EIF3E: variants seen among roughly 807,000 people sequenced by gnomAD.
EIF3E encodes eukaryotic translation initiation factor 3 subunit E.
In EIF3E, 25 loss-of-function variants were observed where a neutral mutation model predicts 59.3. The ratio of observed to expected loss-of-function variants is 0.42; its 90% confidence interval spans 0.31 to 0.59. The LOEUF is 0.59. Among genes scored for constraint, EIF3E ranks in the 20% least tolerant of loss-of-function variants. EIF3E has a pLI of 0.15. For missense variants in EIF3E, 317 were observed against 534.3 expected (o/e 0.59, Z 4.01); for synonymous variants, 176 against 170.2 (o/e 1.03, Z -0.26).
Position 108,203,139 on chromosome 8 carries a change from T to G in EIF3E, c.1165-22A>C, listed in dbSNP as rs630492. 3.3e-3 allele frequency: 5,247 copies of G among 1,605,628 alleles called. 172 individuals are homozygous for G. In the African/African-American group the frequency reaches 0.063, roughly 19 times the overall value. ...GACCCTAAAAGGAAACACAGGGAAATTGATCCTATAATGTTAATGACTGAG... is the reference window on the plus strand; with the variant it reads ...GACCCTAAAAGGAAACACAGGGAAAGTGATCCTATAATGTTAATGACTGAG... On this transcript the variant is annotated intron_variant, in intron 11 of 12. Coordinates refer to ENST00000220849, the MANE Select transcript of EIF3E (RefSeq NM_001568.3).
At chr8:108,241,983 A>C (rs2129925532) in intron 1 of EIF3E, 70 bp from the exon 2 acceptor site, 4 of 1,227,764 alleles carry the variant, frequency 3.3e-6, no homozygotes, top group East Asian at 2.5e-5. Flanking sequence ...TACTAAAACT[A>C]ATTTACCTGG....
intron 10 of EIF3E, among the ~76,000 whole-genome samples, chr8:108,212,151 G>C (rs1815221755): frequency 6.6e-6 from 1 of 152,202 alleles, no homozygotes; most frequent in South Asian, 2.1e-4. Context: ...GTGTTCCAAA[G>C]AGGTGTCTTA....
intron 10 of EIF3E, among the ~76,000 whole-genome samples, chr8:108,211,031 A>G (rs1815199752): frequency 6.6e-6 from 1 of 152,150 alleles, no homozygotes; most frequent in Non-Finnish European, 1.5e-5. Context: ...AGTCTTTGCT[A>G]TTGTGAATAG....
At chr8:108,242,434 G>C in intron 1 of EIF3E, 11 of 1,288,934 alleles carry the variant, frequency 8.5e-6, no homozygotes, top group Non-Finnish European at 1.1e-5. Flanking sequence ...TATAGTACAG[G>C]GAGCAAATAG....
Position 108,242,392 on chromosome 8 carries a change from T to C in EIF3E, c.91-479A>G, listed in dbSNP as rs1412068472. The C allele has an allele frequency of 7.8e-6, 10 of 1,289,352 alleles. No homozygotes were observed. In the South Asian group the frequency reaches 1.1e-4, roughly 14 times the overall value. 79.9% of individuals were successfully genotyped at this position (1,289,352 alleles called of 1,614,324 possible). A position where few individuals can be genotyped will look rare whatever the true frequency, so the allele number is the denominator to read the frequency against. On this transcript the variant is annotated intron_variant, in intron 1 of 12. Coordinates refer to ENST00000220849, the MANE Select transcript of EIF3E (RefSeq NM_001568.3). ...AACCATGTCAGATCAGGCTTTTGCT[T>C]TGCAAAGGATCCAAAAAAGCATAAT...
At chr8:108,242,800 C>A in intron 1 of EIF3E, 1 of 405,818 alleles carries the variant, frequency 2.5e-6, no homozygotes. Context: ...AAAAGGTTCT[C>A]AACGTCATTA....
At chr8:108,228,054 A>C in intron 7 of EIF3E, 1 of 393,174 alleles carries the variant, frequency 2.5e-6, no homozygotes, top group Non-Finnish European at 4.4e-6. Flanking sequence ...CACACTTTAA[A>C]TAGCACTTTA....
At position 108,240,359 on chromosome 8, in the gene EIF3E, A is replaced by G. The variant is rs370789594; in HGVS notation, c.206-284T>C. Among the ~76,000 whole-genome samples, 21 of 152,334 alleles carry G rather than the reference A, an allele frequency of 1.4e-4. 1 individual carries two copies. The highest frequency in any genetic ancestry group is 4.3e-4 in the African/African-American group (18 of 41,568). Reference sequence around the variant, plus strand: ...GGGGTGACAGAGGGATGTGAAAGAAAAAAAGGGTAGGACCCAATTATCTAT... The same window carrying G: ...GGGGTGACAGAGGGATGTGAAAGAAGAAAAGGGTAGGACCCAATTATCTAT... On this transcript the variant is annotated intron_variant, in intron 2 of 12. Transcript: ENST00000220849.
At chr8:108,242,548 C>A in intron 1 of EIF3E, 1 of 1,160,404 alleles carries the variant, frequency 8.6e-7, no homozygotes, top group Non-Finnish European at 1.1e-6. Context: ...GAAAAGATTT[C>A]TGTACTGAAC....
chr8:108,217,534 G>A (rs1815327205), intron 7 of EIF3E, 74 bp from the exon 8 acceptor site: 1 of 1,276,158 alleles, frequency 7.8e-7, no homozygotes, highest in Admixed American at 2.4e-5. Context: ...CAGGTCATTA[G>A]ATTGTACTAT....
intron 10 of EIF3E, 69 bp from the exon 11 acceptor site, chr8:108,203,572 T>C (rs1247611711): frequency 8.3e-7 from 1 of 1,203,414 alleles, no homozygotes; most frequent in East Asian, 2.3e-5. Context: ...GTACACAGTG[T>C]TGACTCACAC....
chr8:108,207,702 A>T (rs191955406), intron 10 of EIF3E, among the ~76,000 whole-genome samples: 41 of 152,300 alleles, frequency 2.7e-4, no homozygotes, highest in African/African-American at 8.4e-4. Flanking sequence ...AATATCTTTA[A>T]CCTAACTAGC....
intron 7 of EIF3E, among the ~76,000 whole-genome samples, chr8:108,218,012 A>G (rs962277266): frequency 5.9e-5 from 9 of 152,348 alleles, no homozygotes; most frequent in African/African-American, 1.9e-4. Context: ...GTCTTGGCTA[A>G]TATTTAGCAA....
At chr8:108,229,458 A>G (rs1417488220) in intron 5 of EIF3E, 1 of 247,120 alleles carries the variant, frequency 4.0e-6, no homozygotes, top group African/African-American at 2.2e-5. Flanking sequence ...TCATCTTACT[A>G]TAACCCACTT....
chr8:108,217,449 G>T lies in EIF3E; in HGVS notation c.734C>A (p.Ala245Glu). The T allele has an allele frequency of 6.3e-7, 1 of 1,595,516 alleles. No individual in the cohort carries two copies. ...LFLYQPQYLNAIQTMCPHILR... is the reference protein window; with the variant it reads ...LFLYQPQYLNEIQTMCPHILR... The stretch of plus-strand genomic sequence containing the variant: ...AATGTGTGGACACATTGTCTGAATT[G>T]CATTAAGATATCTAAGAAAAAATAT... Residue 245 changes from alanine to glutamate, a missense_variant, in exon 8 of 13, where the codon GCA (alanine) becomes GAA (glutamate). Coordinates refer to ENST00000220849, the MANE Select transcript of EIF3E (RefSeq NM_001568.3).
At chr8:108,205,924 G>A (rs1334023954) in intron 10 of EIF3E, among the ~76,000 whole-genome samples, 2 of 152,068 alleles carry the variant, frequency 1.3e-5, no homozygotes, top group South Asian at 2.1e-4. Flanking sequence ...GTGTGCACAG[G>A]GAAAAACCTA....
chr8:108,230,825 T>C (rs1363077382), intron 5 of EIF3E, among the ~76,000 whole-genome samples: 2 of 152,120 alleles, frequency 1.3e-5, no homozygotes, highest in African/African-American at 4.8e-5. Context: ...CAGAATGAAA[T>C]ACTACTGAGC....
chr8:108,245,221 C>T lies in EIF3E; in HGVS notation c.91-3308G>A, dbSNP rs192037158. Among the ~76,000 whole-genome samples, 441 of 152,004 alleles carry T rather than the reference C, an allele frequency of 2.9e-3. 2 individuals carry two copies. Among genetic ancestry groups the T allele is most frequent in the African/African-American group, 9.8e-3 (407 of 41,466 alleles). On this transcript the variant is annotated intron_variant, in intron 1 of 12. Coordinates refer to ENST00000220849, the MANE Select transcript of EIF3E (RefSeq NM_001568.3). ...GTGGCTCATGTCTGTAATCCCAGCA[C>T]TTTGCGAGGCCAAGGTGGCAGATCA...
intron 3 of EIF3E, among the ~76,000 whole-genome samples, chr8:108,239,215 T>C (rs1815792400): frequency 6.6e-6 from 1 of 152,188 alleles, no homozygotes; most frequent in Admixed American, 6.5e-5. Flanking sequence ...TGTCTCATTA[T>C]GTCACCTACT....
Sources: gnomAD v4.1 joint callset for allele counts (sites outside exome capture counted in the v4.1 genomes callset) on GRCh38, gnomAD v4.1.1 for gene constraint, MANE v1.5 for transcripts, NCBI Gene and HGNC (gene_info 2026-07-23, HGNC 2026-07-21) for gene names.